ADAM9: variants seen among roughly 807,000 people sequenced by gnomAD.
ADAM9 encodes the protein disintegrin and metalloproteinase domain-containing protein 9.
A neutral mutation model predicts 108.1 loss-of-function variants in ADAM9; 54 were observed. The observed-to-expected ratio is 0.50, with a 90% CI of 0.40 to 0.63. The LOEUF (loss-of-function observed/expected upper bound fraction) is 0.63, where lower values mean the gene tolerates loss of function less well. Ranked by LOEUF, ADAM9 falls within the 20% of genes least tolerant of loss-of-function variation. The pLI is 0.00. For synonymous variants in ADAM9, 316 were observed against 336.0 expected, an observed-to-expected ratio of 0.94 and a Z score of 0.65; for missense variants, 830 against 997.7, an observed-to-expected ratio of 0.83 and a Z score of 2.26.
chr8:39,045,186 A>G (rs1202900751), intron 12 of ADAM9, among the ~76,000 whole-genome samples: 2 of 126,200 alleles, frequency 1.6e-5, no homozygotes, highest in Admixed American at 7.9e-5. Context: ...ATATGTGTAT[A>G]CATACATATA....
chr8:39,103,600 C>G lies in ADAM9; in HGVS notation c.2367-7C>G, dbSNP rs1305433527. On this transcript the variant is annotated splice_polypyrimidine_tract_variant and splice_region_variant and intron_variant, in intron 21 of 21. Coordinates refer to ENST00000487273, the MANE Select transcript of ADAM9 (RefSeq NM_003816.3). ...CACTCTATTAACTATCTCTTTTCCC[C>G]TCGCAGGCCACCTCCACCACAACCG... 6 of 1,613,770 alleles carry G rather than the reference C, an allele frequency of 3.7e-6. No homozygotes were observed. The highest frequency in any genetic ancestry group is 2.7e-5 in the African/African-American group (2 of 74,888).
rs550382857 is a variant in ADAM9 at position 39,009,964 on chromosome 8, AC to A, written c.196-1683del. On this transcript the variant is annotated intron_variant, in intron 2 of 21. Coordinates refer to ENST00000487273, the MANE Select transcript of ADAM9 (RefSeq NM_003816.3). ...ACAAAAACAACAACAACAAAAACAA[AC>A]CCCCCCCCCCAAACCAAAAATGTAT... Among the ~76,000 whole-genome samples, 771 of 106,266 alleles carry A rather than the reference AC, an allele frequency of 7.3e-3. 10 individuals carry two copies. The highest frequency in any genetic ancestry group is 0.047 in the Middle Eastern group (9 of 192). 69.7% of individuals were successfully genotyped at this position (106,266 alleles called of 152,430 possible). A position where few individuals can be genotyped will look rare whatever the true frequency, so the allele number is the denominator to read the frequency against.
At chr8:39,059,432 G>A (rs532471358) in intron 14 of ADAM9, among the ~76,000 whole-genome samples, 3 of 152,326 alleles carry the variant, frequency 2.0e-5, no homozygotes, top group Admixed American at 2.0e-4. Flanking sequence ...ACAATGCCAG[G>A]TCAGTTGTTG....
At chr8:39,076,523 A>G (rs1838854737) in intron 15 of ADAM9, among the ~76,000 whole-genome samples, 1 of 152,218 alleles carries the variant, frequency 6.6e-6, no homozygotes. Flanking sequence ...GATATCATAG[A>G]GAAGATTCAG....
intron 11 of ADAM9, among the ~76,000 whole-genome samples, chr8:39,030,709 C>A (rs1426431739): frequency 6.6e-6 from 1 of 152,174 alleles, no homozygotes; most frequent in Non-Finnish European, 1.5e-5. Flanking sequence ...TTTTGTATTC[C>A]CACCAACAGT....
chr8:39,076,787 G>A (rs1838862170), intron 15 of ADAM9, among the ~76,000 whole-genome samples: 3 of 151,996 alleles, frequency 2.0e-5, no homozygotes, highest in African/African-American at 7.2e-5. Flanking sequence ...GGAAAAGAGG[G>A]GTGGAATCCT....
intron 7 of ADAM9, among the ~76,000 whole-genome samples, chr8:39,020,645 C>T (rs117524465): frequency 0.031 from 4,650 of 152,266 alleles, 100 homozygotes; most frequent in Non-Finnish European, 0.047. Flanking sequence ...GATTTTTTAA[C>T]TAGTGATTAT....
At chr8:39,037,552 A>G (rs1185853835) in intron 11 of ADAM9, among the ~76,000 whole-genome samples, 4 of 148,712 alleles carry the variant, frequency 2.7e-5, no homozygotes, top group African/African-American at 5.0e-5. Flanking sequence ...CAGCCTCCTG[A>G]GTAGCTGGGA....
At chr8:39,087,763 T>C (rs959908565) in intron 18 of ADAM9, among the ~76,000 whole-genome samples, 3 of 152,198 alleles carry the variant, frequency 2.0e-5, no homozygotes, top group Non-Finnish European at 2.9e-5. Context: ...TAAAATGATA[T>C]ATGAAGCTTG....
Position 39,104,494 on chromosome 8 carries a change from A to G in ADAM9, c.*794A>G, listed in dbSNP as rs940161750. The G allele has an allele frequency of 2.6e-6, 1 of 382,830 alleles. No homozygotes were observed. The highest frequency in any genetic ancestry group is 5.1e-6 in the Non-Finnish European group (1 of 197,816). 23.7% of individuals were successfully genotyped at this position (382,830 alleles called of 1,614,324 possible). On this transcript the variant is annotated 3_prime_UTR_variant, in exon 22 of 22. Coordinates refer to ENST00000487273, the MANE Select transcript of ADAM9 (RefSeq NM_003816.3). ...ATAAGCTTTAAGGTACGAAGTATTT[A>G]ATAGATCTAATCAAATATGTTGATT...
chr8:39,029,605 A>G (rs1007671610), intron 11 of ADAM9, among the ~76,000 whole-genome samples: 2 of 152,104 alleles, frequency 1.3e-5, no homozygotes, highest in African/African-American at 2.4e-5. Flanking sequence ...AGAATGTTGA[A>G]TTTTATCAAA....
intron 1 of ADAM9, among the ~76,000 whole-genome samples, chr8:38,997,930 C>A (rs1835874716): frequency 6.6e-6 from 1 of 152,152 alleles, no homozygotes; most frequent in African/African-American, 2.4e-5. Flanking sequence ...GTGAAACTGC[C>A]CTTGACTATG....
chr8:39,083,071 A>G lies in ADAM9; in HGVS notation c.2066A>G (p.Asn689Ser). 6.2e-7 allele frequency: 1 copy of G among 1,612,872 alleles called. No individual in the cohort carries two copies. The highest frequency in any genetic ancestry group is 8.5e-7 in the Non-Finnish European group (1 of 1,178,980). The change falls in exon 18 of 22, where the codon AAT becomes AGT. Residue 689 changes from asparagine to serine, a missense_variant and splice_region_variant. Around this residue, in one of 3 missense-constraint regions of ADAM9, gnomAD observed 238 missense variants for 235.7 expected, o/e 1.01. Coordinates refer to ENST00000487273, the MANE Select transcript of ADAM9 (RefSeq NM_003816.3). ...GGSVDSGPTY[N>S]EMNTALRDGL... ...AGTGTGGACAGTGGACCTACATACA[A>G]TGGCAAGTAATATAGAAGAAAATTA...
chr8:39,045,840 T>A (rs1588380109), intron 12 of ADAM9, among the ~76,000 whole-genome samples: 1 of 152,220 alleles, frequency 6.6e-6, no homozygotes, highest in South Asian at 2.1e-4. Flanking sequence ...CAACAATGTA[T>A]AAGCATTCCC....
intron 18 of ADAM9, among the ~76,000 whole-genome samples, chr8:39,085,874 C>T (rs1839166024): frequency 1.3e-5 from 2 of 151,942 alleles, no homozygotes; most frequent in Admixed American, 1.3e-4. Context: ...GCCATCGTTT[C>T]TTCGAATATT....
At chr8:39,060,995 T>C (rs1838281498) in intron 14 of ADAM9, among the ~76,000 whole-genome samples, 1 of 152,252 alleles carries the variant, frequency 6.6e-6, no homozygotes, top group Admixed American at 6.5e-5. Context: ...GCAGCTTCAG[T>C]TGGAGTCACC....
chr8:39,066,742 G>A lies in ADAM9; in HGVS notation c.1592-4556G>A, dbSNP rs1838490919. 2.6e-5 allele frequency among the ~76,000 whole-genome samples: 4 copies of A among 152,274 alleles called. No individual in the cohort carries two copies. The South Asian group carries it at 8.3e-4, about 32-fold the overall frequency. The stretch of plus-strand genomic sequence containing the variant: ...TGGTAGTTTCTTTTGCTGTGCAGAA[G>A]CTCTTTAGTTTAATTAGATCCTATT... On this transcript the variant is annotated intron_variant, in intron 14 of 21. Transcript: ENST00000487273.
In ADAM9 at chr8:39,088,270, C is replaced by CTT. The variant is rs35266733; in HGVS notation, c.2069-1765_2069-1764dup. Among the ~76,000 whole-genome samples, 60 of 147,486 alleles carry CTT rather than the reference C, an allele frequency of 4.1e-4. 1 individual carries two copies. Among genetic ancestry groups the CTT allele is most frequent in the East Asian group, 5.9e-4 (3 of 5,088 alleles). ...TATTGTTTCATATAGTTTTATACAA[C>CTT]TTTTTTTTTTTTTGAGATGGAGTCT... On this transcript the variant is annotated intron_variant, in intron 18 of 21. Transcript: ENST00000487273.
Position 39,054,675 on chromosome 8 carries a change from T to C in ADAM9, c.1395+102T>C. ...TTTTGAGATTTCTGAGTCAGCACTA[T>C]TTTTATTTTATGGTCATGGGAAAAA... is the stretch of plus-strand genomic sequence containing the variant. On this transcript the variant is annotated intron_variant, in intron 13 of 21. Coordinates refer to ENST00000487273, the MANE Select transcript of ADAM9 (RefSeq NM_003816.3). 6.8e-6 allele frequency: 7 copies of C among 1,030,558 alleles called. No individual in the cohort carries two copies. In the South Asian group the frequency reaches 7.4e-5, roughly 11 times the overall value. 63.8% of individuals were successfully genotyped at this position (1,030,558 alleles called of 1,614,324 possible).
Sources: gnomAD v4.1 joint callset for allele counts (sites outside exome capture counted in the v4.1 genomes callset) on GRCh38, gnomAD v4.1.1 for gene constraint, gnomAD v4.1.1 regional missense constraint, MANE v1.5 for transcripts, NCBI Gene and HGNC (gene_info 2026-07-23, HGNC 2026-07-21) for gene names.